SCML4: variants seen among roughly 807,000 people sequenced by gnomAD.
SCML4 encodes the protein sex comb on midleg-like protein 4.
Under a neutral mutation model 41.1 loss-of-function variants are expected in SCML4, and 34 were observed. The ratio of observed to expected loss-of-function variants is 0.83; its 90% CI spans 0.63 to 1.10. The LOEUF is 1.10. Among genes scored for constraint, SCML4 ranks in the 50% least tolerant of loss-of-function variants. The probability of loss-of-function intolerance (pLI) is 0.00; values close to 1 mark genes in which losing one functional copy is unlikely to be tolerated. For synonymous variants in SCML4, 214 were observed against 220.9 expected (o/e 0.97, Z 0.28); for missense variants, 522 against 534.1 (o/e 0.98, Z 0.22).
In SCML4 at chr6:107,749,774, G is replaced by A; in HGVS notation, c.196C>T (p.Pro66Ser). ...RVLMTPLALS[P>S]PRSTPEPDLS... The stretch of plus-strand genomic sequence containing the variant: ...TCGGGCTCTGGGGTACTCCGCGGAG[G>A]TGAGAGGGCTAAGGGAGTCATGAGA... Residue 66 changes from proline to serine, a missense_variant, in exon 3 of 8, where the codon CCT (proline) becomes TCT (serine). Physicochemically the swap from Pro to Ser is moderately conservative, Grantham distance 74. Transcript: ENST00000369020. The A allele has an allele frequency of 1.9e-6, 3 of 1,614,116 alleles. No homozygotes were observed. Among genetic ancestry groups the A allele is most frequent in the South Asian group, 2.2e-5 (2 of 91,084 alleles).
chr6:107,797,191 T>C (rs1453610160), intron 1 of SCML4, among the ~76,000 whole-genome samples: 2 of 152,158 alleles, frequency 1.3e-5, no homozygotes, highest in African/African-American at 4.8e-5. Context: ...TGCTGGCATT[T>C]TCATTAGGAA....
At chr6:107,739,943 G>A (rs1189099226) in intron 5 of SCML4, 1 of 360,284 alleles carries the variant, frequency 2.8e-6, no homozygotes, top group Non-Finnish European at 5.4e-6. Context: ...AAGGCTCCCT[G>A]ACAAGCAAAA....
At chr6:107,804,049 CAAAAAAAAAAAGAAAAAGAA>C (rs1435186366) in intron 1 of SCML4, among the ~76,000 whole-genome samples, 20 of 79,388 alleles carry the variant, frequency 2.5e-4, no homozygotes, top group African/African-American at 6.6e-4. Flanking sequence ...TGATCAATAA[CAAAAAAAAAAAGAAAAAGAA>C]AAAAAAAAAA....
At chr6:107,744,237 C>T (rs573126972) in intron 5 of SCML4, among the ~76,000 whole-genome samples, 2 of 152,314 alleles carry the variant, frequency 1.3e-5, no homozygotes, top group East Asian at 3.9e-4. Context: ...GAAGGAGCAC[C>T]TCCTGTTGAC....
At chr6:107,785,626 C>T (rs1000465308) in intron 1 of SCML4, among the ~76,000 whole-genome samples, 1 of 152,326 alleles carries the variant, frequency 6.6e-6, no homozygotes, top group East Asian at 1.9e-4. Flanking sequence ...CCAGCCTTGC[C>T]TATGTGGCCC....
chr6:107,759,596 T>C (rs919287573), intron 2 of SCML4, among the ~76,000 whole-genome samples: 15 of 152,152 alleles, frequency 9.9e-5, no homozygotes, highest in African/African-American at 3.4e-4. Context: ...ATTCACAAAA[T>C]CTTTGCTTTA....
At chr6:107,831,425 A>C in the SCML4 span, among the ~76,000 whole-genome samples, 18 of 151,528 alleles carry the variant, frequency 1.2e-4, no homozygotes, top group South Asian at 1.7e-3. Flanking sequence ...AAAAAAAAAA[A>C]AAAAAAAACC....
At chr6:107,807,800 C>A (rs557388974) in intron 1 of SCML4, among the ~76,000 whole-genome samples, 1 of 152,340 alleles carries the variant, frequency 6.6e-6, no homozygotes, top group South Asian at 2.1e-4. Flanking sequence ...ACAATCCATT[C>A]CTGTTCTTGT....
At chr6:107,788,808 A>G (rs920600076) in intron 1 of SCML4, among the ~76,000 whole-genome samples, 1 of 152,180 alleles carries the variant, frequency 6.6e-6, no homozygotes, top group African/African-American at 2.4e-5. Flanking sequence ...TTATTTCACA[A>G]AGAAAAAGCC....
the SCML4 span, among the ~76,000 whole-genome samples, chr6:107,830,713 T>C: frequency 6.6e-6 from 1 of 152,188 alleles, no homozygotes; most frequent in African/African-American, 2.4e-5. Context: ...ACAGAAGTGA[T>C]TGGTGTCAGA....
chr6:107,742,287 T>C (rs1777659055), intron 5 of SCML4, among the ~76,000 whole-genome samples: 5 of 152,150 alleles, frequency 3.3e-5, no homozygotes, highest in Admixed American at 3.3e-4. Context: ...ACTTACAGGA[T>C]ATAGAAAATT....
chr6:107,713,998 G>A (rs894806367), intron 6 of SCML4, among the ~76,000 whole-genome samples: 8 of 152,050 alleles, frequency 5.3e-5, no homozygotes, highest in South Asian at 4.2e-4. Context: ...TGCAACCTCC[G>A]CCTCCCAGGT....
intron 2 of SCML4, among the ~76,000 whole-genome samples, chr6:107,761,684 G>C (rs1414325392): frequency 6.6e-6 from 1 of 151,984 alleles, no homozygotes; most frequent in South Asian, 2.1e-4. Context: ...TGATCTGCCC[G>C]CCTTGGCCTC....
In SCML4 at chr6:107,749,803, C is replaced by A. The variant is rs781322087; in HGVS notation, c.167G>T (p.Arg56Leu). 6.2e-7 allele frequency: 1 copy of A among 1,613,868 alleles called. No homozygotes were observed. Among genetic ancestry groups the A allele is most frequent in the Non-Finnish European group, 8.5e-7 (1 of 1,179,954 alleles). ...GRKPGYKIKSRVLMTPLALSP... is the reference protein window; with the variant it reads ...GRKPGYKIKSLVLMTPLALSP... ...GAGGGCTAAGGGAGTCATGAGAACCCGAGACTTGATCTGGAAGAGAGAGCC... is the reference window on the plus strand; with the variant it reads ...GAGGGCTAAGGGAGTCATGAGAACCAGAGACTTGATCTGGAAGAGAGAGCC... The change falls in exon 3 of 8, where the codon CGG becomes CTG. Residue 56 changes from arginine to leucine, a missense_variant. Transcript: ENST00000369020.
rs755727112 is a variant in SCML4, at chr6:107,720,978, G to T, written c.698C>A (p.Thr233Asn). ...CACAGGGTTCACCAGGTACTCTTCG[G>T]TGGTGACTGTCTTGACTAAGCAATA... ...GRMESVKTVT[T>N]EEYLVNPVGM... The change falls in exon 6 of 8, where the codon ACC (threonine) becomes AAC (asparagine). Residue 233 changes from threonine (T) to asparagine (N), a missense_variant. Transcript: ENST00000369020. 1.2e-6 allele frequency: 2 copies of T among 1,610,502 alleles called. No individual in the cohort carries two copies. Among genetic ancestry groups the T allele is most frequent in the African/African-American group, 2.7e-5 (2 of 74,786 alleles).
intron 5 of SCML4, among the ~76,000 whole-genome samples, chr6:107,735,832 T>A (rs1379335021): frequency 6.6e-6 from 1 of 152,114 alleles, no homozygotes; most frequent in Non-Finnish European, 1.5e-5. Context: ...TCTTTACCAT[T>A]TCTAAGCATA....
At chr6:107,759,364 CATAA>C (rs1036782216) in intron 2 of SCML4, among the ~76,000 whole-genome samples, 85 of 150,522 alleles carry the variant, frequency 5.6e-4, no homozygotes, top group East Asian at 2.7e-3. Flanking sequence ...TACATACATA[CATAA>C]GGCTGCTGTT....
intron 6 of SCML4, chr6:107,720,051 G>A (rs1238618600): frequency 2.0e-6 from 2 of 985,324 alleles, no homozygotes; most frequent in African/African-American, 1.7e-5. Flanking sequence ...AGCATTGGGG[G>A]AATTTTGCCT....
At chr6:107,804,049 CAAAAAAAAAAAGAAAAAGAAA>C (rs67600189) in intron 1 of SCML4, among the ~76,000 whole-genome samples, 8,690 of 79,344 alleles carry the variant, frequency 0.11, 750 homozygotes, top group African/African-American at 0.28. Context: ...TGATCAATAA[CAAAAAAAAAAAGAAAAAGAAA>C]AAAAAAAAAA....
Sources: allele counts gnomAD v4.1 joint callset (sites outside exome capture counted in the v4.1 genomes callset), GRCh38; gene constraint gnomAD v4.1.1; transcripts MANE v1.5; gene names NCBI Gene and HGNC (gene_info 2026-07-23, HGNC 2026-07-21).